PRKG1: variants seen among roughly 807,000 people sequenced by gnomAD.
PRKG1 encodes the protein protein kinase cGMP-dependent 1.
In PRKG1, 35 loss-of-function variants were observed where a neutral mutation model predicts 88.1. That is an observed-to-expected ratio of 0.40 (90% CI 0.30 to 0.53). PRKG1 has a LOEUF of 0.53. Among genes scored for constraint, PRKG1 ranks in the 20% least tolerant of loss-of-function variants. The pLI is 0.59. For synonymous variants in PRKG1, 303 were observed against 292.5 expected, an observed-to-expected ratio of 1.04 and a Z score of -0.37; for missense variants, 540 against 839.8, an observed-to-expected ratio of 0.64 and a Z score of 4.41.
chr10:51,883,196 C>G (rs1841480195), intron 4 of PRKG1, among the ~76,000 whole-genome samples: 1 of 152,196 alleles, frequency 6.6e-6, no homozygotes, highest in South Asian at 2.1e-4. Context: ...TGAACTACAA[C>G]TTATACCATT....
intron 9 of PRKG1, among the ~76,000 whole-genome samples, chr10:52,246,909 A>G (rs1437586416): frequency 6.8e-6 from 1 of 147,924 alleles, no homozygotes; most frequent in Non-Finnish European, 1.5e-5. Context: ...AGAGTCGCCT[A>G]TAAGGATTAG....
intron 7 of PRKG1, chr10:52,128,056 T>C: frequency 1.0e-6 from 1 of 985,098 alleles, no homozygotes. Context: ...TCCTACCCCT[T>C]GTAGTAAGAT....
chr10:51,054,570 A>G (rs1194517640), intron 1 of PRKG1, among the ~76,000 whole-genome samples: 1 of 152,136 alleles, frequency 6.6e-6, no homozygotes, highest in African/African-American at 2.4e-5. Context: ...TGTTATTATA[A>G]CCTTAGGGGG....
chr10:51,109,908 A>T (rs189772604), intron 1 of PRKG1, among the ~76,000 whole-genome samples: 22 of 152,308 alleles, frequency 1.4e-4, no homozygotes, highest in Admixed American at 9.2e-4. Flanking sequence ...AACTAAAAAA[A>T]TTGGCAAATG....
chr10:51,329,718 G>GT (rs1001881878), intron 2 of PRKG1, among the ~76,000 whole-genome samples: 33 of 151,938 alleles, frequency 2.2e-4, no homozygotes, highest in African/African-American at 7.7e-4. Flanking sequence ...TGGGTTCCTT[G>GT]TTTTTTGTTT....
intron 4 of PRKG1, among the ~76,000 whole-genome samples, chr10:51,829,817 G>A (rs1436512536): frequency 2.0e-5 from 3 of 152,110 alleles, no homozygotes; most frequent in Non-Finnish European, 4.4e-5. Context: ...ATTTAATAAA[G>A]TATTAAGTAA....
intron 17 of PRKG1, among the ~76,000 whole-genome samples, chr10:52,291,218 G>A (rs965275589): frequency 9.9e-5 from 15 of 151,150 alleles, no homozygotes; most frequent in South Asian, 2.1e-4. Context: ...ACCGCGCTGG[G>A]CCTACGTGAT....
intron 2 of PRKG1, among the ~76,000 whole-genome samples, chr10:51,316,738 G>C (rs1025439959): frequency 9.3e-5 from 14 of 150,054 alleles, no homozygotes; most frequent in Non-Finnish European, 1.9e-4. Flanking sequence ...TGCGATAATG[G>C]TATTATTACG....
chr10:52,286,550 T>G (rs1842120284), intron 14 of PRKG1, among the ~76,000 whole-genome samples: 1 of 152,020 alleles, frequency 6.6e-6, no homozygotes, highest in Non-Finnish European at 1.5e-5. Flanking sequence ...TTGAACAGAA[T>G]GTAAATATTG....
At chr10:52,145,322 A>T (rs1424172373) in intron 8 of PRKG1, among the ~76,000 whole-genome samples, 1 of 152,210 alleles carries the variant, frequency 6.6e-6, no homozygotes, top group African/African-American at 2.4e-5. Context: ...GATGTTATAA[A>T]ACTTGTTATT....
intron 1 of PRKG1, among the ~76,000 whole-genome samples, chr10:51,104,699 T>TTTA: frequency 3.4e-5 from 1 of 29,508 alleles, no homozygotes; most frequent in Non-Finnish European, 7.1e-5. Context: ...TTATTTTTAT[T>TTTA]TTATTTATTT....
chr10:51,633,770 A>G, intron 3 of PRKG1, among the ~76,000 whole-genome samples: 1 of 152,158 alleles, frequency 6.6e-6, no homozygotes, highest in East Asian at 1.9e-4. Flanking sequence ...GATTTTTAAC[A>G]TGAAATGTCC....
At chr10:52,071,127 T>C (rs1200458202) in intron 7 of PRKG1, among the ~76,000 whole-genome samples, 1 of 147,018 alleles carries the variant, frequency 6.8e-6, no homozygotes, top group Non-Finnish European at 1.5e-5. Flanking sequence ...AATATCTTTT[T>C]TCTTTTCCTT....
At chr10:51,400,507 G>T (rs1445368154) in intron 2 of PRKG1, among the ~76,000 whole-genome samples, 1 of 152,106 alleles carries the variant, frequency 6.6e-6, no homozygotes, top group Non-Finnish European at 1.5e-5. Flanking sequence ...CAAACTCCAG[G>T]GTATTTTAGA....
chr10:51,951,169 G>T (rs917013658), intron 5 of PRKG1, among the ~76,000 whole-genome samples: 1 of 152,204 alleles, frequency 6.6e-6, no homozygotes, highest in Non-Finnish European at 1.5e-5. Context: ...CAGCCTTCAG[G>T]CTGTTTTTTT....
intron 3 of PRKG1, among the ~76,000 whole-genome samples, chr10:51,679,966 C>T (rs1840807878): frequency 6.7e-6 from 1 of 148,588 alleles, no homozygotes; most frequent in South Asian, 2.1e-4. Context: ...AAAAACCCCA[C>T]CTCCCCACAC....
At chr10:51,600,222 G>A (rs1163351192) in intron 3 of PRKG1, among the ~76,000 whole-genome samples, 1 of 151,990 alleles carries the variant, frequency 6.6e-6, no homozygotes, top group Non-Finnish European at 1.5e-5. Flanking sequence ...TGCCTTAGAT[G>A]GTCATTTGAA....
At chr10:51,956,712 C>CTCT (rs1554860344) in intron 5 of PRKG1, among the ~76,000 whole-genome samples, 1 of 151,470 alleles carries the variant, frequency 6.6e-6, no homozygotes, top group African/African-American at 2.4e-5. Flanking sequence ...ATATAAAACT[C>CTCT]CTCTCTCTCT....
chr10:51,637,080 T>C (rs917672372), intron 3 of PRKG1, among the ~76,000 whole-genome samples: 3 of 152,058 alleles, frequency 2.0e-5, no homozygotes, highest in Admixed American at 1.3e-4. Flanking sequence ...GTGATTGTCA[T>C]TTAAAAAACC....
Sources: gnomAD v4.1 joint callset for allele counts (sites outside exome capture counted in the v4.1 genomes callset) on GRCh38, gnomAD v4.1.1 for gene constraint, MANE v1.5 for transcripts, NCBI Gene and HGNC (gene_info 2026-07-23, HGNC 2026-07-21) for gene names.